The following SNTG1 variants were observed in gnomAD, a reference collection of about 807,000 sequenced individuals.
SNTG1 encodes the protein gamma-1-syntrophin.
A neutral mutation model predicts 74.7 loss-of-function variants in SNTG1; 39 were observed. The ratio of observed to expected loss-of-function variants is 0.52; its 90% CI spans 0.40 to 0.68. The LOEUF is 0.68. Among genes scored for constraint, SNTG1 ranks in the 30% least tolerant of loss-of-function variants. The pLI, the probability that SNTG1 is intolerant of heterozygous loss-of-function variation, is 0.00. For missense variants in SNTG1, 685 were observed against 609.5 expected (o/e 1.12, Z -1.30); for synonymous variants, 254 against 217.1 (o/e 1.17, Z -1.49).
At chr8:50,506,162 T>C (rs1195582956) in intron 9 of SNTG1, among the ~76,000 whole-genome samples, 1 of 152,104 alleles carries the variant, frequency 6.6e-6, no homozygotes, top group African/African-American at 2.4e-5. Context: ...TTTCATCACA[T>C]ATTGAGGGTT....
Position 50,469,425 on chromosome 8 carries a change from G to T in SNTG1, c.363+18696G>T, listed in dbSNP as rs563940794. Among the ~76,000 whole-genome samples, 261 of 152,204 alleles carry T rather than the reference G, an allele frequency of 1.7e-3. 1 individual carries two copies. Among genetic ancestry groups the T allele is most frequent in the African/African-American group, 6.1e-3 (252 of 41,530 alleles). Reference sequence around the variant, plus strand: ...GGGTTCCATACTGCAGTCAGGTTCTGCCAGCATCCTGAAAACCTTCCAGAG... The same window carrying T: ...GGGTTCCATACTGCAGTCAGGTTCTTCCAGCATCCTGAAAACCTTCCAGAG... On this transcript the variant is annotated intron_variant, in intron 8 of 18. Transcript: ENST00000642720.
chr8:50,123,654 T>C (rs1289978725), intron 1 of SNTG1, among the ~76,000 whole-genome samples: 1 of 142,582 alleles, frequency 7.0e-6, no homozygotes, highest in African/African-American at 2.5e-5. Context: ...TAAAATCTGG[T>C]CTTCATGTAT....
At chr8:50,354,083 A>G (rs999939584) in intron 2 of SNTG1, among the ~76,000 whole-genome samples, 2 of 152,200 alleles carry the variant, frequency 1.3e-5, no homozygotes, top group East Asian at 3.9e-4. Flanking sequence ...TTTCCATTTC[A>G]GAGAGCTCTG....
intron 1 of SNTG1, among the ~76,000 whole-genome samples, chr8:49,944,665 A>G (rs568755402): frequency 6.6e-6 from 1 of 151,724 alleles, no homozygotes; most frequent in South Asian, 2.1e-4. Context: ...CTAGCATGGC[A>G]CATGTATACA....
At chr8:50,216,510 TAG>T (rs1396092936) in intron 2 of SNTG1, among the ~76,000 whole-genome samples, 1 of 152,100 alleles carries the variant, frequency 6.6e-6, no homozygotes, top group Non-Finnish European at 1.5e-5. Flanking sequence ...GCAACAGACT[TAG>T]GGGATGAAAG....
chr8:50,792,086 T>A (rs556260639), intron 18 of SNTG1, among the ~76,000 whole-genome samples: 2 of 151,818 alleles, frequency 1.3e-5, no homozygotes, highest in South Asian at 2.1e-4. Context: ...GTTTATTTTT[T>A]TTTTTTTTAG....
At chr8:50,154,145 T>C (rs1295835046) in intron 1 of SNTG1, among the ~76,000 whole-genome samples, 1 of 152,154 alleles carries the variant, frequency 6.6e-6, no homozygotes, top group East Asian at 1.9e-4. Flanking sequence ...TGCACTTTGA[T>C]GTCAGACTGC....
At chr8:50,791,757 T>G (rs2095691240) in intron 18 of SNTG1, among the ~76,000 whole-genome samples, 1 of 151,830 alleles carries the variant, frequency 6.6e-6, no homozygotes, top group South Asian at 2.1e-4. Context: ...ACCCTCCTTG[T>G]GATAAGTTCA....
chr8:50,551,376 C>T (rs1475151861), intron 11 of SNTG1, among the ~76,000 whole-genome samples: 1 of 152,064 alleles, frequency 6.6e-6, no homozygotes, highest in Non-Finnish European at 1.5e-5. Context: ...TATGTAACAT[C>T]TATAATTACA....
chr8:50,625,320 T>C (rs2094949351), intron 13 of SNTG1, among the ~76,000 whole-genome samples: 1 of 152,216 alleles, frequency 6.6e-6, no homozygotes, highest in African/African-American at 2.4e-5. Context: ...TCAATGCAGA[T>C]ACAAGAGGTT....
At chr8:50,723,408 G>A (rs534055078) in intron 17 of SNTG1, among the ~76,000 whole-genome samples, 17 of 152,198 alleles carry the variant, frequency 1.1e-4, no homozygotes, top group South Asian at 6.2e-4. Flanking sequence ...CAAAGTTCTC[G>A]AGAGAAGACA....
chr8:50,076,661 A>G lies in SNTG1; in HGVS notation c.-102-95900A>G, dbSNP rs536088207. Among the ~76,000 whole-genome samples, 7 of 152,246 alleles carry G rather than the reference A, an allele frequency of 4.6e-5. No individual in the cohort carries two copies. The East Asian group carries it at 5.8e-4, about 13-fold the overall frequency. ...ATCTTTCTCTTGGTTTTTATCTTATATATGTAGGCACCTTATTTTTCTATG... is the reference window on the plus strand; with the variant it reads ...ATCTTTCTCTTGGTTTTTATCTTATGTATGTAGGCACCTTATTTTTCTATG... On this transcript the variant is annotated intron_variant, in intron 1 of 18. Transcript: ENST00000642720.
chr8:50,440,389 T>C (rs1424220662), intron 5 of SNTG1, among the ~76,000 whole-genome samples: 1 of 152,086 alleles, frequency 6.6e-6, no homozygotes, highest in African/African-American at 2.4e-5. Context: ...TTATTGTGAT[T>C]ATTTAGATCA....
chr8:50,486,340 A>C (rs1040944360), intron 8 of SNTG1, among the ~76,000 whole-genome samples: 3 of 145,556 alleles, frequency 2.1e-5, no homozygotes, highest in African/African-American at 7.6e-5. Flanking sequence ...AGTGGTTTGT[A>C]GTTCTCCTTG....
chr8:50,316,090 T>G (rs1264058991), intron 2 of SNTG1, among the ~76,000 whole-genome samples: 2 of 152,174 alleles, frequency 1.3e-5, no homozygotes, highest in Non-Finnish European at 2.9e-5. Context: ...ATTAACATCA[T>G]TATTCTTTCA....
chr8:50,446,820 C>T (rs1355461493), intron 5 of SNTG1, among the ~76,000 whole-genome samples: 2 of 152,148 alleles, frequency 1.3e-5, no homozygotes, highest in Non-Finnish European at 2.9e-5. Context: ...ACAATAGTCT[C>T]CACTTAACCT....
At chr8:49,956,556 A>T (rs541892411) in intron 1 of SNTG1, among the ~76,000 whole-genome samples, 120 of 152,356 alleles carry the variant, frequency 7.9e-4, no homozygotes, top group African/African-American at 2.8e-3. Flanking sequence ...CTCCAGATCC[A>T]CATTTAAAAA....
chr8:50,035,296 C>T (rs1363282584), intron 1 of SNTG1, among the ~76,000 whole-genome samples: 6 of 152,128 alleles, frequency 3.9e-5, no homozygotes. Flanking sequence ...TGCGAACAAT[C>T]TTTTACTCAC....
rs932204004 is a variant in SNTG1 at position 50,204,293 on chromosome 8, CT to C, written c.-28+31666del. 4.6e-5 allele frequency among the ~76,000 whole-genome samples: 7 copies of C among 151,958 alleles called. No homozygotes were observed. In the South Asian group the frequency reaches 1.5e-3, roughly 32 times the overall value. ...TCTGTACTAGATGTATAGTACATATCTTTTTTTTGTCCAGTAAATATGGCAC... is the reference window on the plus strand; with the variant it reads ...TCTGTACTAGATGTATAGTACATATCTTTTTTTGTCCAGTAAATATGGCAC... On this transcript the variant is annotated intron_variant, in intron 2 of 18. Transcript: ENST00000642720.
Sources: allele counts gnomAD v4.1 joint callset (sites outside exome capture counted in the v4.1 genomes callset), GRCh38; gene constraint gnomAD v4.1.1; transcripts MANE v1.5; gene names NCBI Gene and HGNC (gene_info 2026-07-23, HGNC 2026-07-21).